Variants in EFTUD2 observed in about 807,000 individuals in gnomAD.
EFTUD2 encodes elongation factor Tu GTP binding domain containing 2.
EFTUD2 carries 9 observed loss-of-function variants against 114.3 expected under a neutral mutation model. The observed-to-expected ratio is 0.08, with a 90% CI of 0.05 to 0.14. EFTUD2 has a LOEUF of 0.14. Ranked by LOEUF, EFTUD2 falls within the 10% of genes least tolerant of loss-of-function variation. EFTUD2 has a pLI of 1.00. For synonymous variants in EFTUD2, 449 were observed against 462.3 expected (o/e 0.97, Z 0.37); for missense variants, 765 against 1,241.2 (o/e 0.62, Z 5.76).
chr17:44,859,519 T>C (rs1228156411), intron 18 of EFTUD2: 11 of 501,726 alleles, frequency 2.2e-5, no homozygotes, highest in Admixed American at 6.4e-5. Context: ...GGCAGGCTCA[T>C]AGTGTACAAG....
intron 20 of EFTUD2, among the ~76,000 whole-genome samples, chr17:44,856,252 G>A (rs1482022410): frequency 6.6e-6 from 1 of 151,976 alleles, no homozygotes; most frequent in Non-Finnish European, 1.5e-5. Context: ...GTTTAAGCTG[G>A]GCGTGGTGGC....
At chr17:44,878,656 G>A (rs1420529507) in intron 9 of EFTUD2, among the ~76,000 whole-genome samples, 1 of 152,060 alleles carries the variant, frequency 6.6e-6, no homozygotes, top group East Asian at 1.9e-4. Context: ...AACAGTTCAA[G>A]GGGAAAATGT....
intron 23 of EFTUD2, chr17:44,853,980 T>C: frequency 5.2e-6 from 7 of 1,354,030 alleles, no homozygotes; most frequent in Non-Finnish European, 5.7e-6. Context: ...TATAAACCAT[T>C]CCAATCTCAT....
chr17:44,865,903 C>A (rs964522796), intron 13 of EFTUD2, among the ~76,000 whole-genome samples: 4 of 151,840 alleles, frequency 2.6e-5, no homozygotes, highest in Admixed American at 2.6e-4. Flanking sequence ...CCTCCACCTC[C>A]TGGGCTCAAG....
chr17:44,886,700 G>A lies in EFTUD2; in HGVS notation c.156C>T (p.His52=), dbSNP rs1468642647. The change falls in exon 3 of 28, where the codon CAC becomes CAT. Residue 52 remains histidine, a synonymous_variant. Transcript: ENST00000426333. ...DDDVGDHDDD[H]PGMEVVLHED... ...CATGCAGCACCACCTCCATCCCAGG[G>A]TGGTCATCGTCATGATCTCCTACGT... 2.5e-6 allele frequency: 4 copies of A among 1,614,128 alleles called. No homozygotes were observed. The highest frequency in any genetic ancestry group is 3.3e-5 in the Admixed American group (2 of 60,016).
chr17:44,857,142 C>T lies in EFTUD2; in HGVS notation c.1978G>A (p.Val660Ile), dbSNP rs1046396361. Reference protein sequence around the residue: ...EIDIKVADPVVTFCETVVETS... With the variant: ...EIDIKVADPVITFCETVVETS... Reference sequence around the variant, plus strand: ...TCCACCACCGTCTCACAAAACGTGACAACTGGGTCAGCCACCTGGGAAACA... The same window carrying T: ...TCCACCACCGTCTCACAAAACGTGATAACTGGGTCAGCCACCTGGGAAACA... The change falls in exon 20 of 28, where the codon GTC (valine) becomes ATC (isoleucine). Residue 660 changes from valine to isoleucine, a missense_variant. Transcript: ENST00000426333. The T allele has an allele frequency of 2.5e-6, 4 of 1,613,850 alleles. No individual in the cohort carries two copies. The African/African-American group carries it at 5.3e-5, about 22-fold the overall frequency.
chr17:44,858,396 T>C (rs2050596018), intron 19 of EFTUD2, among the ~76,000 whole-genome samples: 1 of 151,758 alleles, frequency 6.6e-6, no homozygotes, highest in Non-Finnish European at 1.5e-5. Context: ...CCACCACACC[T>C]GACTAATTTT....
At chr17:44,897,215 C>CA (rs60766041) in intron 1 of EFTUD2, among the ~76,000 whole-genome samples, 11,337 of 65,874 alleles carry the variant, frequency 0.17, 1,050 homozygotes, top group South Asian at 0.27. Flanking sequence ...GACTCCGTCT[C>CA]AAAAAAAAAA....
rs759399590 is a variant in EFTUD2 at position 44,854,703 on chromosome 17, T to C, written c.2133-21A>G. Reference sequence around the variant, plus strand: ...TCTTCCTGGGGAAGGGAGGAGACAATGGAGCTGTCAGCCAGCTCTGTGATT... The same window carrying C: ...TCTTCCTGGGGAAGGGAGGAGACAACGGAGCTGTCAGCCAGCTCTGTGATT... On this transcript the variant is annotated intron_variant, in intron 21 of 27. Transcript: ENST00000426333. The surrounding 1 kb of genome is among the most constrained non-coding windows in gnomAD (Gnocchi z 4.3). 2.6e-5 allele frequency: 42 copies of C among 1,608,012 alleles called. No individual in the cohort carries two copies. The Admixed American group carries it at 7.0e-4, about 27-fold the overall frequency.
chr17:44,858,061 A>T (rs2050589940), intron 19 of EFTUD2, among the ~76,000 whole-genome samples: 1 of 151,332 alleles, frequency 6.6e-6, no homozygotes, highest in East Asian at 1.9e-4. Context: ...AGCTGGGATT[A>T]CAGGTGCCCG....
intron 19 of EFTUD2, among the ~76,000 whole-genome samples, chr17:44,858,859 A>T (rs2050604855): frequency 6.6e-6 from 1 of 152,066 alleles, no homozygotes; most frequent in South Asian, 2.1e-4. Context: ...AAGTGCTGGG[A>T]GTGAGCCACC....
chr17:44,880,485 C>T (rs1374355977), intron 8 of EFTUD2, 69 bp downstream of exon 8: 19 of 1,239,890 alleles, frequency 1.5e-5, no homozygotes, highest in East Asian at 7.1e-5. Flanking sequence ...CGTTCTGCTC[C>T]GAAAAGTGAG....
Position 44,854,515 on chromosome 17 carries a change from G to A in EFTUD2, c.2259+41C>T, listed in dbSNP as rs769204723. On this transcript the variant is annotated intron_variant, in intron 22 of 27. Transcript: ENST00000426333. This position sits in a 1 kb window ranked among gnomAD's most constrained non-coding sequence, Gnocchi z 4.3. Reference sequence around the variant, plus strand: ...ACTTTGTAGTTTCTTCCACTCCAGAGGTAAGAGACCGCCACCCAGTTCCCA... The same window carrying A: ...ACTTTGTAGTTTCTTCCACTCCAGAAGTAAGAGACCGCCACCCAGTTCCCA... 4 of 1,599,554 alleles carry A rather than the reference G, an allele frequency of 2.5e-6. No homozygotes were observed. In the African/African-American group the frequency reaches 5.4e-5, roughly 22 times the overall value.
chr17:44,853,325 A>G lies in EFTUD2; in HGVS notation c.2532T>C (p.Ser844=). Residue 844 remains serine, a synonymous_variant, in exon 25 of 28, where the codon TCT becomes TCC. Transcript: ENST00000426333. The part of the protein sequence containing the change: ...VEVQAPADCV[S]AVYTVLARRR... The stretch of plus-strand genomic sequence containing the variant: ...GCCTGGCCAGGACGGTATAAACTGC[A>G]GAGACGCAATCTGCAGGGGCCTGGA... 6.2e-7 allele frequency: 1 copy of G among 1,614,076 alleles called. No homozygotes were observed. Among genetic ancestry groups the G allele is most frequent in the Non-Finnish European group, 8.5e-7 (1 of 1,179,938 alleles).
rs2289675 is a variant in EFTUD2 at position 44,879,759 on chromosome 17, G to A, written c.620-121C>T. 244,676 of 915,268 alleles carry A rather than the reference G, an allele frequency of 0.27. 33,499 individuals carry two copies. The highest frequency in any genetic ancestry group is 0.28 in the South Asian group (19,195 of 68,072). 56.7% of individuals were successfully genotyped at this position (915,268 alleles called of 1,614,324 possible). Reference sequence around the variant, plus strand: ...CCTCCGAATATCCCCTTTCCTCCTCGCCATAACCCCCCACAGGGTAAAAAT... The same window carrying A: ...CCTCCGAATATCCCCTTTCCTCCTCACCATAACCCCCCACAGGGTAAAAAT... On this transcript the variant is annotated intron_variant, in intron 8 of 27. Transcript: ENST00000426333.
chr17:44,881,186 A>ACTTC (rs2051066273), intron 7 of EFTUD2, among the ~76,000 whole-genome samples: 2 of 152,202 alleles, frequency 1.3e-5, no homozygotes, highest in African/African-American at 4.8e-5. Context: ...GGAAAAAGAG[A>ACTTC]CAGAAATAAG....
chr17:44,885,442 A>C (rs1597822276), intron 3 of EFTUD2, 108 bp from the exon 4 acceptor site: 1 of 785,452 alleles, frequency 1.3e-6, no homozygotes, highest in Admixed American at 2.1e-5. Context: ...TATGACATCA[A>C]TTTATTTTAC....
At chr17:44,855,432 G>A (rs971303787) in intron 20 of EFTUD2, among the ~76,000 whole-genome samples, 1 of 151,574 alleles carries the variant, frequency 6.6e-6, no homozygotes, top group Non-Finnish European at 1.5e-5. Context: ...GTGGTGGCGT[G>A]CGCTGGCACA....
chr17:44,859,166 C>T lies in EFTUD2; in HGVS notation c.1876G>A (p.Glu626Lys), dbSNP rs764767656. The T allele has an allele frequency of 2.5e-6, 4 of 1,613,326 alleles. No individual in the cohort carries two copies. The highest frequency in any genetic ancestry group is 1.1e-5 in the South Asian group (1 of 91,060). ...TCCCCAGTGCCCAGGATCACATGCT[C>T]GCCAGACTCCTCCACCTGAAACACA... ...SLTTKVEESG[E>K]HVILGTGELY... is the part of the protein sequence containing the mutation. The change falls in exon 19 of 28, where the codon GAG becomes AAG. Residue 626 changes from glutamate to lysine, a missense_variant. By Grantham distance (56) the Glu-to-Lys change is moderately conservative. Transcript: ENST00000426333.
Sources: allele counts gnomAD v4.1 joint callset (sites outside exome capture counted in the v4.1 genomes callset), GRCh38; gene constraint gnomAD v4.1.1; non-coding constraint Gnocchi (gnomAD v3.1); transcripts MANE v1.5; gene names NCBI Gene and HGNC (gene_info 2026-07-23, HGNC 2026-07-21).